Variants in DSCAM observed in about 807,000 individuals in gnomAD.
DSCAM encodes DS cell adhesion molecule.
In DSCAM, 47 loss-of-function variants were observed where a neutral mutation model predicts 217.7. That is an observed-to-expected ratio of 0.22 (90% CI 0.17 to 0.28). DSCAM has a LOEUF of 0.28. Ranked by LOEUF, DSCAM falls within the 10% of genes least tolerant of loss-of-function variation. DSCAM has a pLI of 1.00. For synonymous variants in DSCAM, 1,056 were observed against 1,015.3 expected (o/e 1.04, Z -0.76); for missense variants, 2,080 against 2,618.3 (o/e 0.79, Z 4.49).
At chr21:40,063,035 G>A (rs2089147352) in intron 27 of DSCAM, 136 bp from the exon 28 acceptor site, 2 of 588,738 alleles carry the variant, frequency 3.4e-6, no homozygotes, top group African/African-American at 1.9e-5. Flanking sequence ...CACTACTAAT[G>A]ACCTAGAGTT....
At chr21:40,261,425 T>C (rs555568326) in intron 11 of DSCAM, among the ~76,000 whole-genome samples, 3 of 152,274 alleles carry the variant, frequency 2.0e-5, no homozygotes, top group Admixed American at 6.5e-5. Flanking sequence ...ATTTAAGACC[T>C]GAAAAGAACA....
At chr21:40,633,172 C>G (rs1327563498) in intron 3 of DSCAM, among the ~76,000 whole-genome samples, 1 of 152,206 alleles carries the variant, frequency 6.6e-6, no homozygotes. Context: ...TGCTGGGTGA[C>G]AGTTACTTTC....
At position 40,353,794 on chromosome 21, in the gene DSCAM, T is replaced by A. The variant is rs746607945; in HGVS notation, c.656-51A>T. On this transcript the variant is annotated intron_variant, in intron 4 of 32. Coordinates refer to ENST00000400454, the MANE Select transcript of DSCAM (RefSeq NM_001389.5). Reference sequence around the variant, plus strand: ...AGGCAGGAATGAGGAGTTGAAGTGGTCATTTAGAATTGTAGGACTTCATGT... The same window carrying A: ...AGGCAGGAATGAGGAGTTGAAGTGGACATTTAGAATTGTAGGACTTCATGT... 2.1e-6 allele frequency: 3 copies of A among 1,427,604 alleles called. No individual in the cohort carries two copies. In the African/African-American group the frequency reaches 4.4e-5, roughly 21 times the overall value. 88.4% of individuals were successfully genotyped at this position (1,427,604 alleles called of 1,614,324 possible).
chr21:40,107,645 T>C (rs920525370), intron 20 of DSCAM, among the ~76,000 whole-genome samples: 3 of 152,154 alleles, frequency 2.0e-5, no homozygotes, highest in African/African-American at 7.2e-5. Flanking sequence ...TAAGTCTCTT[T>C]GATGGTCTCT....
At chr21:40,301,245 T>C (rs1476240361) in intron 9 of DSCAM, among the ~76,000 whole-genome samples, 1 of 152,222 alleles carries the variant, frequency 6.6e-6, no homozygotes, top group Non-Finnish European at 1.5e-5. Context: ...ACAAATTGGA[T>C]GATGTGACTT....
At chr21:40,374,982 G>C (rs1299399510) in intron 3 of DSCAM, among the ~76,000 whole-genome samples, 1 of 152,150 alleles carries the variant, frequency 6.6e-6, no homozygotes, top group Non-Finnish European at 1.5e-5. Flanking sequence ...TTCCACAGTA[G>C]AAATGGATAT....
chr21:40,395,337 A>ATT (rs569318254), intron 3 of DSCAM, among the ~76,000 whole-genome samples: 1 of 145,286 alleles, frequency 6.9e-6, no homozygotes. Flanking sequence ...TTCCTTCTGT[A>ATT]TTTTTTTTTT....
At chr21:40,375,013 T>C (rs950955861) in intron 3 of DSCAM, among the ~76,000 whole-genome samples, 2 of 152,184 alleles carry the variant, frequency 1.3e-5, no homozygotes, top group Admixed American at 6.5e-5. Flanking sequence ...TCAGGGACTT[T>C]CCCCAAAATC....
intron 8 of DSCAM, among the ~76,000 whole-genome samples, chr21:40,325,321 C>T (rs538932020): frequency 2.6e-5 from 4 of 152,028 alleles, no homozygotes; most frequent in Non-Finnish European, 4.4e-5. Flanking sequence ...ATAACTGACT[C>T]GATATAGATA....
chr21:40,499,931 C>T (rs1157907408), intron 3 of DSCAM, among the ~76,000 whole-genome samples: 8 of 152,140 alleles, frequency 5.3e-5, no homozygotes, highest in Non-Finnish European at 1.2e-4. Context: ...CAGACACCCA[C>T]CACCACACCT....
chr21:40,232,295 T>A (rs1454705195), intron 11 of DSCAM, among the ~76,000 whole-genome samples: 1 of 152,194 alleles, frequency 6.6e-6, no homozygotes, highest in Non-Finnish European at 1.5e-5. Context: ...TCAAGAGGCT[T>A]AGCCACCTGT....
chr21:40,442,798 C>T (rs1412157862), intron 3 of DSCAM, among the ~76,000 whole-genome samples: 1 of 152,112 alleles, frequency 6.6e-6, no homozygotes, highest in Non-Finnish European at 1.5e-5. Flanking sequence ...ACGTGAGCCA[C>T]CATGCCTGGC....
In DSCAM at chr21:40,779,189, A is replaced by G. The variant is rs376383813; in HGVS notation, c.43+67430T>C. On this transcript the variant is annotated intron_variant, in intron 1 of 32. Coordinates refer to ENST00000400454, the MANE Select transcript of DSCAM (RefSeq NM_001389.5). ...TTTTTAACCTTGATCATTTTGGTGT[A>G]TTTTTAAAAATGGGAATGAAAGGTA... 4.7e-3 allele frequency among the ~76,000 whole-genome samples: 715 copies of G among 152,198 alleles called. 8 individuals carry two copies. The highest frequency in any genetic ancestry group is 0.016 in the African/African-American group (652 of 41,528).
intron 3 of DSCAM, among the ~76,000 whole-genome samples, chr21:40,559,781 TCTG>T (rs1357060288): frequency 1.0e-4 from 12 of 119,864 alleles, no homozygotes; most frequent in Admixed American, 4.8e-4. Flanking sequence ...TTTAAAATTT[TCTG>T]TCTTTTTTTT....
chr21:40,371,732 G>A (rs1177808353), intron 3 of DSCAM, among the ~76,000 whole-genome samples: 2 of 152,098 alleles, frequency 1.3e-5, no homozygotes, highest in Admixed American at 1.3e-4. Flanking sequence ...ATTGTCTTAA[G>A]CATTTTTTGA....
intron 3 of DSCAM, among the ~76,000 whole-genome samples, chr21:40,463,508 A>G (rs1391719265): frequency 1.3e-5 from 2 of 152,140 alleles, no homozygotes; most frequent in African/African-American, 4.8e-5. Context: ...TATCAGCAGC[A>G]TAGGCTCTGA....
At chr21:40,803,185 T>TTGA (rs1297809928) in intron 1 of DSCAM, among the ~76,000 whole-genome samples, 1 of 152,232 alleles carries the variant, frequency 6.6e-6, no homozygotes, top group African/African-American at 2.4e-5. Flanking sequence ...AGCTGAAATC[T>TTGA]CATATGTTTT....
chr21:40,554,284 C>G (rs2076653967), intron 3 of DSCAM, among the ~76,000 whole-genome samples: 2 of 151,438 alleles, frequency 1.3e-5, no homozygotes, highest in South Asian at 2.1e-4. Context: ...TAAAATTAGA[C>G]TGCTTCTGCT....
chr21:40,381,959 T>G (rs2075030633), intron 3 of DSCAM, among the ~76,000 whole-genome samples: 1 of 152,232 alleles, frequency 6.6e-6, no homozygotes, highest in African/African-American at 2.4e-5. Flanking sequence ...TATGTGTGTA[T>G]TTATGTGTAT....
Sources: allele counts gnomAD v4.1 joint callset (sites outside exome capture counted in the v4.1 genomes callset), GRCh38; gene constraint gnomAD v4.1.1; transcripts MANE v1.5; gene names NCBI Gene and HGNC (gene_info 2026-07-23, HGNC 2026-07-21).